AGTPBP1: variants seen among roughly 807,000 people sequenced by gnomAD.
AGTPBP1 encodes cytosolic carboxypeptidase 1.
A neutral mutation model predicts 143.9 loss-of-function variants in AGTPBP1; 70 were observed. The ratio of observed to expected loss-of-function variants is 0.49; its 90% CI spans 0.40 to 0.59. The LOEUF (loss-of-function observed/expected upper bound fraction) is 0.59, where lower values mean the gene tolerates loss of function less well. Ranked by LOEUF, AGTPBP1 falls within the 20% of genes least tolerant of loss-of-function variation. AGTPBP1 has a pLI of 0.00. For missense variants in AGTPBP1, 1,229 were observed against 1,464.5 expected (o/e 0.84, Z 2.62); for synonymous variants, 463 against 500.2 (o/e 0.93, Z 0.99).
At chr9:85,616,994 T>G (rs1017968209) in intron 17 of AGTPBP1, among the ~76,000 whole-genome samples, 1 of 152,070 alleles carries the variant, frequency 6.6e-6, no homozygotes, top group Non-Finnish European at 1.5e-5. Flanking sequence ...AAAGTGTTTA[T>G]AACTAAACCA....
At chr9:85,669,014 T>A in intron 8 of AGTPBP1, among the ~76,000 whole-genome samples, 2 of 120,554 alleles carry the variant, frequency 1.7e-5, no homozygotes, top group South Asian at 6.1e-4. Context: ...TGTGTATACA[T>A]ACACACACAC....
At chr9:85,774,123 G>T in the AGTPBP1 span, 121 of 939,546 alleles carry the variant, frequency 1.3e-4, 1 homozygote, top group Non-Finnish European at 2.0e-4. Context: ...TCACTTAAAA[G>T]CTCAACATGT....
intron 13 of AGTPBP1, among the ~76,000 whole-genome samples, chr9:85,636,544 A>G (rs1371071129): frequency 2.6e-5 from 4 of 152,146 alleles, no homozygotes; most frequent in African/African-American, 9.7e-5. Flanking sequence ...GGCTTGAGCC[A>G]CCGCACCTGG....
chr9:85,637,040 GTT>G (rs36101581), intron 13 of AGTPBP1, among the ~76,000 whole-genome samples: 20 of 126,440 alleles, frequency 1.6e-4, no homozygotes, highest in African/African-American at 1.7e-4. Flanking sequence ...TCCCCAAAAA[GTT>G]TTTTTTTTTT....
intron 25 of AGTPBP1, among the ~76,000 whole-genome samples, chr9:85,569,331 G>A (rs768932832): frequency 6.6e-6 from 1 of 152,040 alleles, no homozygotes; most frequent in Non-Finnish European, 1.5e-5. Flanking sequence ...ACAAGAATTT[G>A]CACTTATTCC....
intron 1 of AGTPBP1, among the ~76,000 whole-genome samples, chr9:85,730,336 A>G (rs929762935): frequency 6.6e-6 from 1 of 152,106 alleles, no homozygotes; most frequent in Non-Finnish European, 1.5e-5. Context: ...TGTCCTTTAA[A>G]TATCTTTTTT....
chr9:85,554,481 T>C (rs1302949887), intron 25 of AGTPBP1, among the ~76,000 whole-genome samples: 5 of 152,190 alleles, frequency 3.3e-5, no homozygotes, highest in Non-Finnish European at 4.4e-5. Context: ...AGGCCTTCAG[T>C]TGTGACCTCT....
intron 14 of AGTPBP1, among the ~76,000 whole-genome samples, chr9:85,627,573 C>T (rs1181277547): frequency 6.6e-6 from 1 of 152,144 alleles, no homozygotes; most frequent in East Asian, 1.9e-4. Flanking sequence ...CCATAACTCC[C>T]ATGTAAACAC....
intron 3 of AGTPBP1, among the ~76,000 whole-genome samples, chr9:85,681,929 T>C (rs11141061): frequency 0.24 from 36,853 of 151,162 alleles, 5,085 homozygotes; most frequent in East Asian, 0.53. Context: ...TTTGTATTTT[T>C]AGTAGAGACG....
intron 2 of AGTPBP1, among the ~76,000 whole-genome samples, chr9:85,696,458 G>C (rs745771938): frequency 6.6e-6 from 1 of 151,854 alleles, no homozygotes; most frequent in African/African-American, 2.4e-5. Flanking sequence ...GCTTGAGGTC[G>C]AGAGCTCGAG....
intron 25 of AGTPBP1, 151 bp from the exon 26 acceptor site, chr9:85,547,437 T>G (rs1825795680): frequency 1.6e-6 from 1 of 611,188 alleles, no homozygotes; most frequent in Non-Finnish European, 2.5e-6. Context: ...AAGTTGAAAT[T>G]TATAATAGGT....
intron 17 of AGTPBP1, among the ~76,000 whole-genome samples, chr9:85,599,604 G>T (rs1829534688): frequency 6.6e-6 from 1 of 152,024 alleles, no homozygotes; most frequent in Non-Finnish European, 1.5e-5. Flanking sequence ...AATATTTTTG[G>T]TTAACACGTT....
At chr9:85,665,863 C>T (rs1278758106) in intron 8 of AGTPBP1, among the ~76,000 whole-genome samples, 1 of 151,914 alleles carries the variant, frequency 6.6e-6, no homozygotes, top group Non-Finnish European at 1.5e-5. Flanking sequence ...AAATTTTTAC[C>T]AAATGTTATT....
intron 14 of AGTPBP1, among the ~76,000 whole-genome samples, chr9:85,622,894 C>G (rs959344480): frequency 1.3e-5 from 2 of 152,116 alleles, no homozygotes; most frequent in African/African-American, 2.4e-5. Context: ...CTAAATATAT[C>G]TATTTGTCAG....
chr9:85,689,927 T>TAA (rs1835749403), intron 3 of AGTPBP1, among the ~76,000 whole-genome samples: 1 of 68,926 alleles, frequency 1.5e-5, no homozygotes, highest in Non-Finnish European at 2.7e-5. Flanking sequence ...AAAAAAAAAA[T>TAA]ATATATATAT....
chr9:85,702,590 A>G (rs1051266582), intron 2 of AGTPBP1, among the ~76,000 whole-genome samples: 3 of 150,838 alleles, frequency 2.0e-5, no homozygotes, highest in African/African-American at 7.3e-5. Flanking sequence ...TTGTAGTGAA[A>G]TATTTTATGA....
intron 2 of AGTPBP1, among the ~76,000 whole-genome samples, chr9:85,708,366 C>T (rs1837152526): frequency 6.6e-6 from 1 of 152,092 alleles, no homozygotes; most frequent in Non-Finnish European, 1.5e-5. Flanking sequence ...TCCCTTTTAC[C>T]AAGTAATGTA....
In AGTPBP1 at chr9:85,641,855, C is replaced by G. The variant is rs570931849; in HGVS notation, c.1302+972G>C. Among the ~76,000 whole-genome samples, 12 of 152,084 alleles carry G rather than the reference C, an allele frequency of 7.9e-5. No individual in the cohort carries two copies. In the East Asian group the frequency reaches 2.3e-3, roughly 29 times the overall value. ...CTGCAACTACAGGTGTGTCTCATCA[C>G]GCCCGGCTAATTTTCTTATTTTTAG... is the stretch of plus-strand genomic sequence containing the variant. On this transcript the variant is annotated intron_variant, in intron 13 of 25. Transcript: ENST00000357081.
the AGTPBP1 span, among the ~76,000 whole-genome samples, chr9:85,802,148 A>G: frequency 1.3e-5 from 2 of 152,088 alleles, no homozygotes; most frequent in Admixed American, 6.6e-5. Context: ...TCCACTCTCC[A>G]ACCATCTCTT....
Sources: allele counts gnomAD v4.1 joint callset (sites outside exome capture counted in the v4.1 genomes callset), GRCh38; gene constraint gnomAD v4.1.1; transcripts MANE v1.5; gene names NCBI Gene and HGNC (gene_info 2026-07-23, HGNC 2026-07-21).